Variants in CHN2 observed in about 807,000 individuals in gnomAD.
CHN2 encodes the protein chimerin 2.
A neutral mutation model predicts 56.3 loss-of-function variants in CHN2; 35 were observed. The observed-to-expected ratio is 0.62, with a 90% confidence interval of 0.47 to 0.82. The LOEUF (loss-of-function observed/expected upper bound fraction) is 0.82. Ranked by LOEUF, CHN2 falls within the 40% of genes least tolerant of loss-of-function variation. CHN2 has a pLI of 0.00. For synonymous variants in CHN2, 210 were observed against 212.8 expected (o/e 0.99, Z 0.12); for missense variants, 491 against 580.5 (o/e 0.85, Z 1.58).
chr7:29,346,450 A>G (rs1420549232), intron 1 of CHN2, among the ~76,000 whole-genome samples: 1 of 152,162 alleles, frequency 6.6e-6, no homozygotes, highest in African/African-American at 2.4e-5. Flanking sequence ...ACCTGTTTTC[A>G]CCCAACTTCC....
At chr7:29,270,335 T>G (rs1049041066) in intron 1 of CHN2, among the ~76,000 whole-genome samples, 2 of 152,058 alleles carry the variant, frequency 1.3e-5, no homozygotes, top group African/African-American at 4.8e-5. Flanking sequence ...GGAGCTGCAT[T>G]CATGATTTTC....
intron 6 of CHN2, 71 bp from the exon 7 acceptor site, chr7:29,480,208 C>A (rs1409801138): frequency 3.1e-6 from 5 of 1,613,618 alleles, no homozygotes; most frequent in Non-Finnish European, 4.2e-6. Flanking sequence ...CTGGCCGTAG[C>A]CTTCGGGGTG....
chr7:29,273,348 T>C (rs1296834419), intron 1 of CHN2, among the ~76,000 whole-genome samples: 19 of 36,740 alleles, frequency 5.2e-4, no homozygotes, highest in African/African-American at 2.5e-3. Flanking sequence ...TATGTGTATA[T>C]ATATATATAT....
intron 3 of CHN2, among the ~76,000 whole-genome samples, chr7:29,387,170 C>T (rs1408580693): frequency 6.6e-6 from 1 of 152,186 alleles, no homozygotes; most frequent in African/African-American, 2.4e-5. Context: ...CTGCCTGGCA[C>T]AGAGTAGCCA....
At chr7:29,219,988 T>A (rs1028325598) in intron 1 of CHN2, among the ~76,000 whole-genome samples, 4 of 151,934 alleles carry the variant, frequency 2.6e-5, no homozygotes, top group African/African-American at 9.7e-5. Context: ...GGCAGGAGAA[T>A]CACTTGAACC....
chr7:29,439,276 A>G (rs145498272), intron 6 of CHN2, among the ~76,000 whole-genome samples: 1 of 152,300 alleles, frequency 6.6e-6, no homozygotes, highest in Non-Finnish European at 1.5e-5. Flanking sequence ...AGTGACAGGG[A>G]CTTAATCTTT....
chr7:29,237,160 A>G (rs1162860495), intron 1 of CHN2, among the ~76,000 whole-genome samples: 1 of 152,234 alleles, frequency 6.6e-6, no homozygotes, highest in Non-Finnish European at 1.5e-5. Context: ...ACAAACCTTT[A>G]TAACTCCAGG....
intron 1 of CHN2, among the ~76,000 whole-genome samples, chr7:29,203,326 G>A (rs1297429679): frequency 6.6e-6 from 1 of 151,840 alleles, no homozygotes; most frequent in African/African-American, 2.4e-5. Flanking sequence ...AAGTAGCTGG[G>A]CATGGTGGCG....
chr7:29,445,944 C>T (rs849915), intron 6 of CHN2, among the ~76,000 whole-genome samples: 52,047 of 151,470 alleles, frequency 0.34, 10,187 homozygotes, highest in African/African-American at 0.54. Flanking sequence ...ACTGTGGAGC[C>T]GGAAGTGGCT....
At chr7:29,378,066 C>T (rs1402766904) in intron 3 of CHN2, among the ~76,000 whole-genome samples, 1 of 152,228 alleles carries the variant, frequency 6.6e-6, no homozygotes, top group African/African-American at 2.4e-5. Context: ...TCCTTTTGCT[C>T]TGTCATGGTT....
intron 3 of CHN2, among the ~76,000 whole-genome samples, chr7:29,390,822 T>C (rs1801305469): frequency 6.6e-6 from 1 of 152,138 alleles, no homozygotes. Flanking sequence ...CTTAGTCTCT[T>C]GGCAGACCTT....
chr7:29,386,282 G>A (rs374710727), intron 3 of CHN2, among the ~76,000 whole-genome samples: 19 of 152,176 alleles, frequency 1.2e-4, no homozygotes, highest in African/African-American at 4.6e-4. Flanking sequence ...GGAATTATCT[G>A]TATTTATTTT....
intron 1 of CHN2, among the ~76,000 whole-genome samples, chr7:29,291,755 C>G (rs1792649395): frequency 6.6e-6 from 1 of 151,836 alleles, no homozygotes; most frequent in Non-Finnish European, 1.5e-5. Context: ...AGTATTAAAT[C>G]CTAGAAGTTG....
intron 1 of CHN2, among the ~76,000 whole-genome samples, chr7:29,225,439 C>T (rs1471442490): frequency 9.2e-5 from 14 of 152,088 alleles, no homozygotes; most frequent in Non-Finnish European, 1.9e-4. Flanking sequence ...CCCAGATCAG[C>T]CCACCAAAAC....
chr7:29,330,208 T>C (rs1347050273), intron 1 of CHN2, among the ~76,000 whole-genome samples: 1 of 152,234 alleles, frequency 6.6e-6, no homozygotes, highest in African/African-American at 2.4e-5. Flanking sequence ...TCTTGAAATG[T>C]ATTATGTTTC....
intron 1 of CHN2, among the ~76,000 whole-genome samples, chr7:29,270,681 A>G (rs1451579660): frequency 6.6e-6 from 1 of 151,766 alleles, no homozygotes; most frequent in Non-Finnish European, 1.5e-5. Context: ...TAATAATAAA[A>G]TAAAAAATGA....
At chr7:29,342,968 A>C (rs1316103444) in intron 1 of CHN2, among the ~76,000 whole-genome samples, 1 of 152,186 alleles carries the variant, frequency 6.6e-6, no homozygotes, top group Non-Finnish European at 1.5e-5. Context: ...CTAGTGCACT[A>C]TTTTGTGCCA....
intron 2 of CHN2, among the ~76,000 whole-genome samples, chr7:29,357,254 A>G (rs1483922915): frequency 6.6e-6 from 1 of 152,172 alleles, no homozygotes; most frequent in Non-Finnish European, 1.5e-5. Context: ...ATTATATCCA[A>G]CTAATAGTCC....
chr7:29,234,840 A>G (rs1787060393), intron 1 of CHN2, among the ~76,000 whole-genome samples: 1 of 152,214 alleles, frequency 6.6e-6, no homozygotes, highest in South Asian at 2.1e-4. Flanking sequence ...CATGATGGTT[A>G]TTTTTAATAA....
Sources: allele counts gnomAD v4.1 joint callset (sites outside exome capture counted in the v4.1 genomes callset), GRCh38; gene constraint gnomAD v4.1.1; transcripts MANE v1.5; gene names NCBI Gene and HGNC (gene_info 2026-07-23, HGNC 2026-07-21).